Variants in XKRX observed in about 807,000 individuals in gnomAD.
XKRX encodes XK related X-linked, also known as XK-related protein 2.
In XKRX, 11 loss-of-function variants were observed where a neutral mutation model predicts 22.4. That is an observed-to-expected ratio of 0.49 (90% confidence interval 0.31 to 0.81). The LOEUF is 0.81. Ranked by LOEUF, XKRX falls within the 40% of genes least tolerant of loss-of-function variation. The probability of loss-of-function intolerance (pLI) is 0.05; values close to 1 mark genes in which losing one functional copy is unlikely to be tolerated. For missense variants in XKRX, 320 were observed against 336.5 expected, an observed-to-expected ratio of 0.95 and a Z score of 0.38; for synonymous variants, 114 against 132.2, an observed-to-expected ratio of 0.86 and a Z score of 0.94.
In XKRX at chrX:100,914,564, AACACTTTC is replaced by A; in HGVS notation, c.1116_1123del (p.Lys373ThrfsTer40). ...AATCAAGGAATGACAGTAATTCAGT[AACACTTTC>A]ACTCCAAAGAACTTAAAAACCAAGA... On this transcript the variant is annotated frameshift_variant, in exon 3 of 3. Coordinates refer to ENST00000372956, the MANE Select transcript of XKRX (RefSeq NM_212559.3). LOFTEE classifies it high-confidence loss of function. 8.2e-7 allele frequency: 1 copy of A among 1,212,151 alleles called. No individual in the cohort carries two copies. The highest frequency in any genetic ancestry group is 1.1e-6 in the Non-Finnish European group (1 of 895,592).
In XKRX at chrX:100,928,335, T is replaced by TG; in HGVS notation, c.-32dup. The TG allele has an allele frequency of 8.4e-7, 1 of 1,196,573 alleles. No individual in the cohort carries two copies. The highest frequency in any genetic ancestry group is 1.1e-6 in the Non-Finnish European group (1 of 888,234). On this transcript the variant is annotated 5_prime_UTR_variant, in exon 1 of 3. Transcript: ENST00000372956. ...AGGTTCTTTCTGAATGTTGTGGTCTTGTGTTCATAGCACCCTCCCACCCAT... is the reference window on the plus strand; with the variant it reads ...AGGTTCTTTCTGAATGTTGTGGTCTTGGTGTTCATAGCACCCTCCCACCCAT...
At chrX:100,941,398 A>T in the XKRX span, among the ~76,000 whole-genome samples, 3 of 110,974 alleles carry the variant, frequency 2.7e-5, no homozygotes, top group African/African-American at 9.8e-5. Flanking sequence ...AAAATACAAA[A>T]ATTAGCTAGG....
chrX:100,944,051 C>G, the XKRX span, among the ~76,000 whole-genome samples: 1 of 111,714 alleles, frequency 9.0e-6, no homozygotes. Flanking sequence ...ATATAACCAC[C>G]AATAGTGTAC....
chrX:100,892,466 TA>T, the XKRX span, among the ~76,000 whole-genome samples: 8 of 109,867 alleles, frequency 7.3e-5, no homozygotes, highest in Middle Eastern at 4.3e-3. Flanking sequence ...AAATTAAAGC[TA>T]AAAAAAATTA....
chrX:100,949,402 G>A, the XKRX span, among the ~76,000 whole-genome samples: 4 of 93,804 alleles, frequency 4.3e-5, no homozygotes, highest in Non-Finnish European at 4.1e-5. Flanking sequence ...GTCTTGCTCT[G>A]TCGCCCAGGC....
chrX:100,892,169 C>T, the XKRX span, among the ~76,000 whole-genome samples: 1 of 112,011 alleles, frequency 8.9e-6, no homozygotes, highest in South Asian at 3.6e-4. Flanking sequence ...ATGTAAGGAA[C>T]TCAAACAACT....
chrX:100,939,852 A>G, the XKRX span, among the ~76,000 whole-genome samples: 1 of 112,597 alleles, frequency 8.9e-6, no homozygotes, highest in Admixed American at 9.4e-5. Context: ...TATATCATTC[A>G]TAGCCAAGAA....
chrX:100,932,567 A>G (rs749941352), upstream of XKRX, among the ~76,000 whole-genome samples: 1 of 112,475 alleles, frequency 8.9e-6, no homozygotes, highest in South Asian at 3.7e-4. Context: ...GTGGTCTAAA[A>G]GCTCTTGGCA....
chrX:100,949,555 G>A, the XKRX span, among the ~76,000 whole-genome samples: 3 of 109,319 alleles, frequency 2.7e-5, no homozygotes, highest in Non-Finnish European at 5.7e-5. Flanking sequence ...TTAGTAGGAC[G>A]GGGTTTCACT....
intron 2 of XKRX, among the ~76,000 whole-genome samples, chrX:100,918,628 A>G (rs1281445889): frequency 1.8e-5 from 2 of 111,233 alleles, no homozygotes; most frequent in Non-Finnish European, 3.8e-5. Context: ...ATATACTTAA[A>G]CTCTCAGTGC....
chrX:100,897,914 C>T, the XKRX span, among the ~76,000 whole-genome samples: 1 of 110,251 alleles, frequency 9.1e-6, no homozygotes, highest in African/African-American at 3.3e-5. Flanking sequence ...GGGGATTCTA[C>T]TGGCCAATGA....
At chrX:100,902,681 TAA>T in the XKRX span, among the ~76,000 whole-genome samples, 1 of 111,380 alleles carries the variant, frequency 9.0e-6, no homozygotes, top group Non-Finnish European at 1.9e-5. Flanking sequence ...TGACAAAATC[TAA>T]CATCCATGCA....
At chrX:100,933,478 TAAAAAAA>T (rs368739515), upstream of XKRX, among the ~76,000 whole-genome samples, 5 of 50,478 alleles carry the variant, frequency 9.9e-5, no homozygotes, top group African/African-American at 3.2e-4. Flanking sequence ...AGATTCCGTC[TAAAAAAA>T]AAAAAAAAAA....
chrX:100,890,586 T>C, the XKRX span, among the ~76,000 whole-genome samples: 9 of 110,662 alleles, frequency 8.1e-5, no homozygotes, highest in African/African-American at 2.6e-4. Context: ...TATCTTCTGG[T>C]TGGAACAGGA....
At chrX:100,944,445 C>G in the XKRX span, among the ~76,000 whole-genome samples, 2 of 111,792 alleles carry the variant, frequency 1.8e-5, no homozygotes, top group South Asian at 7.5e-4. Flanking sequence ...ACACTGCAAC[C>G]TCCGCCTCCT....
intron 1 of XKRX, among the ~76,000 whole-genome samples, chrX:100,923,462 G>A (rs1034911019): frequency 2.0e-4 from 22 of 112,187 alleles, no homozygotes; most frequent in African/African-American, 5.5e-4. Context: ...TGGCCAGCCT[G>A]CACTACTTTT....
Position 100,914,802 on chromosome X carries a change from G to A in XKRX, c.886C>T (p.Pro296Ser), listed in dbSNP as rs756464303. ...CTGAAGTTTTTCTCAATGTTATTGG[G>A]CATCTGGGCACCACTTCTCCAGAAC... ...IKFWRSGAQMPNNIEKNFSRV... is the reference protein window; with the variant it reads ...IKFWRSGAQMSNNIEKNFSRV... The change falls in exon 3 of 3, where the codon CCC becomes TCC. Residue 296 changes from proline (P) to serine (S), a missense_variant. Pro to Ser is a moderately conservative substitution (Grantham distance 74). Coordinates refer to ENST00000372956, the MANE Select transcript of XKRX (RefSeq NM_212559.3). 1 of 1,209,712 alleles carries A rather than the reference G, an allele frequency of 8.3e-7. No homozygotes were observed. Among genetic ancestry groups the A allele is most frequent in the African/African-American group, 1.8e-5 (1 of 57,099 alleles).
rs751225665 is a variant in XKRX at position 100,914,477 on chromosome X, T to C, written c.1211A>G (p.Tyr404Cys). ...GAAGAGTGAGCGCAATGGATGCAAG[T>C]ACTGGAAGAAAAGGAGCATGAAGCC... Reference protein sequence around the residue: ...SIGFMLLFFQYLHPLRSLFTH... With the variant: ...SIGFMLLFFQCLHPLRSLFTH... Residue 404 changes from tyrosine to cysteine, a missense_variant, in exon 3 of 3, where the codon TAC becomes TGC. Transcript: ENST00000372956. 3 of 1,210,274 alleles carry C rather than the reference T, an allele frequency of 2.5e-6. No individual in the cohort carries two copies. In the African/African-American group the frequency reaches 5.2e-5, roughly 21 times the overall value.
At chrX:100,931,970 A>C (rs1248858026), upstream of XKRX, among the ~76,000 whole-genome samples, 2 of 111,219 alleles carry the variant, frequency 1.8e-5, no homozygotes, top group Non-Finnish European at 1.9e-5. Context: ...AAATTATTTC[A>C]AGTATATTAA....
Sources: allele counts gnomAD v4.1 joint callset (sites outside exome capture counted in the v4.1 genomes callset), GRCh38; gene constraint gnomAD v4.1.1; transcripts MANE v1.5; gene names NCBI Gene and HGNC (gene_info 2026-07-23, HGNC 2026-07-21).